MAP3K19: variants seen among roughly 807,000 people sequenced by gnomAD.
MAP3K19 encodes the protein mitogen-activated protein kinase kinase kinase 19.
MAP3K19 carries 91 observed loss-of-function variants against 114.4 expected under a neutral mutation model. The observed-to-expected ratio is 0.80, with a 90% CI of 0.67 to 0.95. MAP3K19 has a LOEUF of 0.95. Among genes scored for constraint, MAP3K19 ranks in the 40% least tolerant of loss-of-function variants. The pLI is 0.00. For missense variants in MAP3K19, 1,471 were observed against 1,573.2 expected (o/e 0.94, Z 1.10); for synonymous variants, 518 against 530.5 (o/e 0.98, Z 0.32).
intron 8 of MAP3K19, among the ~76,000 whole-genome samples, chr2:134,994,866 C>T (rs1373767809): frequency 1.3e-5 from 2 of 152,136 alleles, no homozygotes; most frequent in African/African-American, 4.8e-5. Flanking sequence ...TGAGGAAATG[C>T]TCCAATATGA....
chr2:135,002,889 T>C (rs1273411436), intron 6 of MAP3K19, among the ~76,000 whole-genome samples: 1 of 152,140 alleles, frequency 6.6e-6, no homozygotes, highest in Non-Finnish European at 1.5e-5. Flanking sequence ...GGCCTTCCTG[T>C]TATGGACTGG....
chr2:134,977,250 C>T (rs556296666), intron 12 of MAP3K19, among the ~76,000 whole-genome samples: 2 of 150,956 alleles, frequency 1.3e-5, no homozygotes, highest in Non-Finnish European at 2.9e-5. Flanking sequence ...GGCATGATCA[C>T]GGTTCACTGT....
rs75486521 is a variant in MAP3K19 at position 134,998,642 on chromosome 2, A to G, written c.574+96T>C. 6.5e-4 allele frequency: 862 copies of G among 1,317,874 alleles called. 8 individuals are homozygous for G. In the East Asian group the frequency reaches 0.015, roughly 23 times the overall value. The allele number at this position is 1,317,874 out of a possible 1,614,324, so 81.6% of individuals were successfully genotyped here. ...GCTGGGGTTATTTTCTGGTATGTTC[A>G]CTGCTTTATCTCTAGCATTTAGAAC... On this transcript the variant is annotated intron_variant, in intron 8 of 12. Transcript: ENST00000392915.
intron 12 of MAP3K19, among the ~76,000 whole-genome samples, chr2:134,968,849 G>A (rs1278433970): frequency 1.3e-5 from 2 of 149,188 alleles, no homozygotes; most frequent in African/African-American, 2.5e-5. Context: ...GGGCAGAGAC[G>A]CTCCTCACTT....
At chr2:135,007,798 C>G (rs1321686034) in intron 5 of MAP3K19, among the ~76,000 whole-genome samples, 1 of 152,142 alleles carries the variant, frequency 6.6e-6, no homozygotes, top group Non-Finnish European at 1.5e-5. Context: ...CATTATCTGG[C>G]AAATTCCTCC....
chr2:135,044,620 A>G (rs1688703865), intron 1 of MAP3K19, among the ~76,000 whole-genome samples: 1 of 152,218 alleles, frequency 6.6e-6, no homozygotes. Flanking sequence ...AAAAGATGTA[A>G]TGGAACTAGT....
At chr2:134,978,188 G>A (rs1355688017) in intron 12 of MAP3K19, among the ~76,000 whole-genome samples, 1 of 141,384 alleles carries the variant, frequency 7.1e-6, no homozygotes, top group Non-Finnish European at 1.5e-5. Flanking sequence ...ACCTTATAAT[G>A]ATTTTTTTTT....
At chr2:135,046,316 C>T (rs147010976) in intron 1 of MAP3K19, among the ~76,000 whole-genome samples, 125 of 152,152 alleles carry the variant, frequency 8.2e-4, no homozygotes, top group Non-Finnish European at 1.4e-3. Flanking sequence ...CTCCCTCTAT[C>T]GCCCAGACTG....
chr2:134,985,771 A>T (rs755656103), intron 10 of MAP3K19, 29 bp downstream of exon 10: 3 of 1,549,914 alleles, frequency 1.9e-6, no homozygotes, highest in Non-Finnish European at 2.6e-6. Flanking sequence ...TTCCCACCCC[A>T]ATGAATCTTG....
chr2:135,014,198 G>T (rs1687427827), intron 5 of MAP3K19, among the ~76,000 whole-genome samples: 1 of 152,092 alleles, frequency 6.6e-6, no homozygotes, highest in South Asian at 2.1e-4. Flanking sequence ...ACAAAAAAAT[G>T]CAAAAATTAG....
chr2:135,038,225 T>C (rs1460692807), intron 2 of MAP3K19, among the ~76,000 whole-genome samples: 4 of 152,040 alleles, frequency 2.6e-5, no homozygotes, highest in East Asian at 3.9e-4. Context: ...CAGAGTAGGA[T>C]AGGGAGATAA....
chr2:134,982,183 A>G (rs1319199047), intron 11 of MAP3K19, among the ~76,000 whole-genome samples: 2 of 123,284 alleles, frequency 1.6e-5, no homozygotes, highest in East Asian at 4.6e-4. Context: ...AGTGGCCCTG[A>G]TCATATCTCA....
chr2:135,018,220 A>C (rs1473801966), intron 5 of MAP3K19, among the ~76,000 whole-genome samples: 2 of 144,028 alleles, frequency 1.4e-5, no homozygotes, highest in Non-Finnish European at 3.0e-5. Context: ...GAACCCGGGC[A>C]GCGGAGGTTG....
intron 8 of MAP3K19, among the ~76,000 whole-genome samples, chr2:134,996,474 A>G (rs1357401121): frequency 1.3e-5 from 2 of 152,114 alleles, no homozygotes; most frequent in Non-Finnish European, 2.9e-5. Flanking sequence ...ACAAATAGTG[A>G]CAATTATGCT....
rs1686269283 is a variant in MAP3K19, at chr2:134,999,382, G to A, written c.315-385C>T. 6.6e-6 allele frequency among the ~76,000 whole-genome samples: 1 copy of A among 152,162 alleles called. No individual in the cohort carries two copies. The highest frequency in any genetic ancestry group is 1.5e-5 in the Non-Finnish European group (1 of 68,040). On this transcript the variant is annotated intron_variant, in intron 7 of 12. Transcript: ENST00000392915. The surrounding 1 kb of genome is among the most constrained non-coding windows in gnomAD (Gnocchi z 4.1). ...CAGCATTTAAATTTCCAGTCATTGT[G>A]AACTGATACTTTTGTAAAATATAAA...
intron 11 of MAP3K19, among the ~76,000 whole-genome samples, chr2:134,981,821 C>T (rs1684674249): frequency 6.6e-6 from 1 of 151,346 alleles, no homozygotes; most frequent in Admixed American, 6.6e-5. Flanking sequence ...AATCTTTTGA[C>T]TTCAGTTTTT....
chr2:134,983,917 T>C, intron 10 of MAP3K19, 92 bp from the exon 11 acceptor site: 3 of 862,188 alleles, frequency 3.5e-6, no homozygotes, highest in Non-Finnish European at 5.3e-6. Flanking sequence ...TTTTCAAATG[T>C]TCCTGTCTGT....
chr2:135,032,576 GTTGT>G, intron 2 of MAP3K19, among the ~76,000 whole-genome samples: 1 of 125,770 alleles, frequency 8.0e-6, no homozygotes. Flanking sequence ...TAAATAAAAT[GTTGT>G]TTGTTTTTTT....
rs369648797 is a variant in MAP3K19 at position 134,986,531 on chromosome 2, C to T, written c.2341G>A (p.Asp781Asn). The change falls in exon 10 of 13, where the codon GAT (aspartate) becomes AAT (asparagine). Residue 781 changes from aspartate (D) to asparagine (N), a missense_variant. Coordinates refer to ENST00000392915, the MANE Select transcript of MAP3K19 (RefSeq NM_025052.5). The stretch of plus-strand genomic sequence containing the variant: ...GCCAAGTTCATGGGATGAATTTCAT[C>T]TTTGGAAGATAGAAACTCATTTCCT... The part of the protein sequence containing the change: ...SSGNEFLSSK[D>N]EIHPMNLAQT... 6 of 1,613,946 alleles carry T rather than the reference C, an allele frequency of 3.7e-6. No individual in the cohort carries two copies. Among genetic ancestry groups the T allele is most frequent in the East Asian group, 2.2e-5 (1 of 44,892 alleles).
Sources: allele counts gnomAD v4.1 joint callset (sites outside exome capture counted in the v4.1 genomes callset), GRCh38; gene constraint gnomAD v4.1.1; non-coding constraint Gnocchi (gnomAD v3.1); transcripts MANE v1.5; gene names NCBI Gene and HGNC (gene_info 2026-07-23, HGNC 2026-07-21).